DDX1: variants seen among roughly 807,000 people sequenced by gnomAD.
The protein encoded by DDX1 is DEAD-box helicase 1, also known as ATP-dependent RNA helicase DDX1.
DDX1 carries 28 observed loss-of-function variants against 108.7 expected under a neutral mutation model. That is an observed-to-expected ratio of 0.26 (90% CI 0.19 to 0.35). The LOEUF (loss-of-function observed/expected upper bound fraction) is 0.35. Among genes scored for constraint, DDX1 ranks in the 10% least tolerant of loss-of-function variants. The pLI is 1.00. For synonymous variants in DDX1, 295 were observed against 288.9 expected (o/e 1.02, Z -0.21); for missense variants, 710 against 884.5 (o/e 0.80, Z 2.50).
chr2:15,595,627 C>T (rs1665485026), intron 3 of DDX1, 74 bp downstream of exon 3: 4 of 1,024,474 alleles, frequency 3.9e-6, no homozygotes, highest in Non-Finnish European at 6.2e-6. Context: ...ACAAATGCTA[C>T]TTTACCTTTA....
chr2:15,610,070 G>A (rs1185126991), intron 13 of DDX1, among the ~76,000 whole-genome samples: 1 of 152,108 alleles, frequency 6.6e-6, no homozygotes, highest in Non-Finnish European at 1.5e-5. Flanking sequence ...GAGTAGCTGG[G>A]ACTGCAAGCA....
intron 19 of DDX1, among the ~76,000 whole-genome samples, chr2:15,624,401 AGAACTGCCT>A (rs940741562): frequency 2.6e-5 from 4 of 152,338 alleles, no homozygotes; most frequent in African/African-American, 9.6e-5. Flanking sequence ...GCTGCTATGA[AGAACTGCCT>A]GAGGCTGGGT....
chr2:15,622,039 A>G (rs763665923), intron 18 of DDX1, among the ~76,000 whole-genome samples: 4 of 152,212 alleles, frequency 2.6e-5, no homozygotes, highest in Non-Finnish European at 5.9e-5. Context: ...CCTGAATTCC[A>G]TAAGAAATAT....
intron 13 of DDX1, 23 bp from the exon 14 acceptor site, chr2:15,613,201 T>C (rs1665831214): frequency 3.3e-6 from 5 of 1,527,994 alleles, no homozygotes; most frequent in Non-Finnish European, 1.8e-6. Context: ...TTTTTTATAT[T>C]ATCATCTTGA....
rs575508622 is a variant in DDX1, at chr2:15,606,232, C to T, written c.785C>T (p.Pro262Leu). Residue 262 changes from proline (P) to leucine (L), a missense_variant, in exon 12 of 26, where the codon CCG becomes CTG. Physicochemically the swap from Pro to Leu is moderately conservative, Grantham distance 98. Around this residue, in one of 3 missense-constraint regions of DDX1, gnomAD observed 661 missense variants for 810.2 expected, o/e 0.82. Transcript: ENST00000233084. ...GGCTTTGTTGCTCTTTCCAAGGCAC[C>T]GGATGGTTACATTGTCAAATCACAG... is the stretch of plus-strand genomic sequence containing the variant. ...KDGFVALSKA[P>L]DGYIVKSQHS... 34 of 1,613,782 alleles carry T rather than the reference C, an allele frequency of 2.1e-5. No homozygotes were observed. The highest frequency in any genetic ancestry group is 3.3e-4 in the Middle Eastern group (2 of 6,060).
chr2:15,600,953 C>T (rs947851874), intron 6 of DDX1, among the ~76,000 whole-genome samples: 4 of 151,888 alleles, frequency 2.6e-5, no homozygotes, highest in African/African-American at 9.7e-5. Flanking sequence ...TGTAGCACAG[C>T]TGTGGCTCTG....
chr2:15,596,694 CAACTT>C (rs1558450271), intron 3 of DDX1, 35 bp from the exon 4 acceptor site: 1 of 1,590,080 alleles, frequency 6.3e-7, no homozygotes, highest in East Asian at 2.2e-5. Context: ...CTTTAATAGA[CAACTT>C]AATCTGTAAA....
At chr2:15,617,173 T>C (rs562210039) in intron 14 of DDX1, 71 bp from the exon 15 acceptor site, 9 of 654,676 alleles carry the variant, frequency 1.4e-5, no homozygotes, top group African/African-American at 1.3e-4. Context: ...AAGACAGTTA[T>C]TGGTTGCTAT....
intron 23 of DDX1, 63 bp from the exon 24 acceptor site, chr2:15,629,539 A>C: frequency 8.2e-7 from 1 of 1,212,220 alleles, no homozygotes. Context: ...ACAAATTTAG[A>C]ATAAGATATT....
chr2:15,617,102 CTT>C (rs11305723), intron 14 of DDX1, 140 bp from the exon 15 acceptor site: 624 of 362,678 alleles, frequency 1.7e-3, no homozygotes, highest in East Asian at 7.3e-3. Context: ...TCTGTAACTC[CTT>C]TTTTTTTTTT....
At chr2:15,599,280 T>C (rs1573036823) in intron 5 of DDX1, 1 of 146,792 alleles carries the variant, frequency 6.8e-6, no homozygotes, top group East Asian at 2.1e-4. Flanking sequence ...TTTTTTTTTT[T>C]AATAGAGCGT....
chr2:15,622,690 A>G (rs1666032501), intron 18 of DDX1, among the ~76,000 whole-genome samples: 2 of 152,206 alleles, frequency 1.3e-5, no homozygotes, highest in African/African-American at 4.8e-5. Context: ...AAGAGCAGAG[A>G]CACTGTTTGA....
chr2:15,629,412 G>T (rs1253318453), intron 23 of DDX1, among the ~76,000 whole-genome samples, 190 bp from the exon 24 acceptor site: 1 of 152,158 alleles, frequency 6.6e-6, no homozygotes, highest in Non-Finnish European at 1.5e-5. Context: ...TTCTCAAAAA[G>T]AACTTTTTCA....
intron 24 of DDX1, 23 bp downstream of exon 24, chr2:15,629,720 C>A: frequency 6.8e-7 from 1 of 1,477,846 alleles, no homozygotes; most frequent in Non-Finnish European, 9.1e-7. Flanking sequence ...GTTAGGCTCA[C>A]AAATAATGTA....
At chr2:15,616,943 G>A (rs911913578) in intron 14 of DDX1, among the ~76,000 whole-genome samples, 9 of 152,148 alleles carry the variant, frequency 5.9e-5, no homozygotes, top group Admixed American at 2.6e-4. Context: ...TCTAGGTTCC[G>A]TTGAGTTCCA....
At chr2:15,629,027 A>G (rs984458497) in intron 23 of DDX1, among the ~76,000 whole-genome samples, 188 bp downstream of exon 23, 4 of 152,196 alleles carry the variant, frequency 2.6e-5, no homozygotes, top group Non-Finnish European at 5.9e-5. Flanking sequence ...TTTAGAAAGG[A>G]AAAATGCAAA....
At chr2:15,594,168 C>T (rs1329953106) in intron 1 of DDX1, among the ~76,000 whole-genome samples, 1 of 152,022 alleles carries the variant, frequency 6.6e-6, no homozygotes, top group African/African-American at 2.4e-5. Flanking sequence ...AAAGAAAAAG[C>T]TACATAATTT....
At position 15,621,094 on chromosome 2, in the gene DDX1, A is replaced by G; in HGVS notation, c.1425A>G (p.Thr475=). 1 of 1,611,280 alleles carries G rather than the reference A, an allele frequency of 6.2e-7. No individual in the cohort carries two copies. Among genetic ancestry groups the G allele is most frequent in the Non-Finnish European group, 8.5e-7 (1 of 1,178,262 alleles). ...ATGATGTACATGCAAAAGATAACAC[A>G]AGACCTGGTGCTAATAGTCCAGGTG... ...RTDDVHAKDN[T]RPGANSPEMW... The change falls in exon 18 of 26, where the codon ACA becomes ACG. Residue 475 remains threonine (T), a synonymous_variant. Transcript: ENST00000233084.
In DDX1 at chr2:15,629,931, TA is replaced by T. The variant is rs1252086492; in HGVS notation, c.1972-55del. The T allele has an allele frequency of 2.0e-6, 3 of 1,486,280 alleles. No homozygotes were observed. The Admixed American group carries it at 6.4e-5, about 32-fold the overall frequency. 92.1% of individuals were successfully genotyped at this position (1,486,280 alleles called of 1,614,324 possible). On this transcript the variant is annotated intron_variant, in intron 24 of 25. Transcript: ENST00000233084. ...CCTTTCCAGCTTTATTTAATGATGA[TA>T]AAATGCAACTCTTTCTAAATGAAAT... is the stretch of plus-strand genomic sequence containing the variant.
Sources: allele counts gnomAD v4.1 joint callset (sites outside exome capture counted in the v4.1 genomes callset), GRCh38; gene constraint gnomAD v4.1.1; regional missense constraint gnomAD v4.1.1; transcripts MANE v1.5; gene names NCBI Gene and HGNC (gene_info 2026-07-23, HGNC 2026-07-21).